The following FKBP1A variants were observed in gnomAD, a reference collection of about 807,000 sequenced individuals.
FKBP1A encodes FKBP prolyl isomerase 1A.
A neutral mutation model predicts 14.2 loss-of-function variants in FKBP1A; 5 were observed. The observed-to-expected ratio is 0.35, with a 90% CI of 0.18 to 0.74. The LOEUF is 0.74. FKBP1A is among the 30% of genes least tolerant of loss of function. The probability of loss-of-function intolerance (pLI) is 0.56; values close to 1 mark genes in which losing one functional copy is unlikely to be tolerated. For synonymous variants in FKBP1A, 42 were observed against 49.1 expected (o/e 0.86, Z 0.60); for missense variants, 53 against 138.8 (o/e 0.38, Z 3.10).
At chr20:1,382,316 C>T (rs1443187160) in intron 2 of FKBP1A, among the ~76,000 whole-genome samples, 1 of 152,182 alleles carries the variant, frequency 6.6e-6, no homozygotes, top group Non-Finnish European at 1.5e-5. Context: ...ACAGTGCAGA[C>T]AAGACAGCTG....
chr20:1,371,107 A>AT, intron 4 of FKBP1A: 2 of 985,440 alleles, frequency 2.0e-6, no homozygotes, highest in Non-Finnish European at 2.4e-6. Flanking sequence ...CTTTCAAACA[A>AT]AAGTGTCCTC....
At chr20:1,389,186 G>A (rs1213932531) in intron 2 of FKBP1A, among the ~76,000 whole-genome samples, 1 of 152,128 alleles carries the variant, frequency 6.6e-6, no homozygotes, top group African/African-American at 2.4e-5. Flanking sequence ...CTCATCATAA[G>A]CAAAGCCCCA....
At chr20:1,390,994 C>T (rs2089728863) in intron 2 of FKBP1A, among the ~76,000 whole-genome samples, 1 of 152,184 alleles carries the variant, frequency 6.6e-6, no homozygotes, top group Non-Finnish European at 1.5e-5. Context: ...GGTCTCATGA[C>T]CATCTGTTCT....
At position 1,370,407 on chromosome 20, in the gene FKBP1A, C is replaced by A. The variant is rs964474155; in HGVS notation, c.*37-335G>T. ...CAAACTGTGCTACATATAGGCATCACCTGGGGGCTTTAAAAAACTCTTAAT... is the reference window on the plus strand; with the variant it reads ...CAAACTGTGCTACATATAGGCATCAACTGGGGGCTTTAAAAAACTCTTAAT... On this transcript the variant is annotated intron_variant, in intron 4 of 4. Coordinates refer to ENST00000400137, the MANE Select transcript of FKBP1A (RefSeq NM_000801.5). 1.6e-5 allele frequency: 16 copies of A among 982,644 alleles called. No homozygotes were observed. The Admixed American group carries it at 8.6e-4, about 53-fold the overall frequency. The allele number at this position is 982,644 out of a possible 1,614,324, so 60.9% of individuals were successfully genotyped here.
At chr20:1,371,635 C>A (rs888916003) in intron 4 of FKBP1A, 2 of 835,080 alleles carry the variant, frequency 2.4e-6, no homozygotes, top group African/African-American at 3.7e-5. Context: ...GAGAGAGCCG[C>A]AGAAGCTAGG....
At chr20:1,377,212 G>C (rs1219798606) in intron 2 of FKBP1A, 1 of 152,244 alleles carries the variant, frequency 6.6e-6, no homozygotes, top group Admixed American at 6.5e-5. Context: ...ACATTTGTAA[G>C]TAGGATGGGG....
At chr20:1,390,756 G>C (rs1016271323) in intron 2 of FKBP1A, among the ~76,000 whole-genome samples, 5 of 152,160 alleles carry the variant, frequency 3.3e-5, no homozygotes, top group Admixed American at 3.3e-4. Flanking sequence ...AAGACCCACG[G>C]GAACAAAGCC....
intron 2 of FKBP1A, among the ~76,000 whole-genome samples, chr20:1,383,429 A>AT (rs1401187959): frequency 5.3e-5 from 8 of 152,142 alleles, no homozygotes; most frequent in Non-Finnish European, 4.4e-5. Flanking sequence ...AACCTTCAAA[A>AT]TAAAATAAAG....
chr20:1,387,160 C>T (rs1402071476), intron 2 of FKBP1A, among the ~76,000 whole-genome samples: 1 of 151,902 alleles, frequency 6.6e-6, no homozygotes. Flanking sequence ...CTAGTTAAAA[C>T]ATCTATGAGT....
At chr20:1,381,050 T>C (rs570224964) in intron 2 of FKBP1A, among the ~76,000 whole-genome samples, 1 of 152,226 alleles carries the variant, frequency 6.6e-6, no homozygotes, top group South Asian at 2.1e-4. Context: ...TGACCTCGAG[T>C]TGGGTGAAGA....
chr20:1,383,644 C>T (rs1004080219), intron 2 of FKBP1A, among the ~76,000 whole-genome samples: 1 of 140,772 alleles, frequency 7.1e-6, no homozygotes, highest in African/African-American at 2.7e-5. Flanking sequence ...CTGGGCAACA[C>T]AGCAAGACTC....
At chr20:1,392,921 G>T in intron 1 of FKBP1A, 40 bp from the exon 2 acceptor site, 1 of 1,529,656 alleles carries the variant, frequency 6.5e-7, no homozygotes, top group South Asian at 1.2e-5. Flanking sequence ...CGATGCGCGC[G>T]GCGGCAGAGG....
chr20:1,373,124 CCTTG>C (rs1377275628), intron 3 of FKBP1A: 1 of 152,334 alleles, frequency 6.6e-6, no homozygotes, highest in African/African-American at 2.4e-5. Context: ...AGCGTCTAGT[CCTTG>C]CTCCCCTCAG....
intron 2 of FKBP1A, among the ~76,000 whole-genome samples, chr20:1,388,287 A>G (rs1287514389): frequency 1.3e-5 from 2 of 152,246 alleles, no homozygotes; most frequent in Admixed American, 1.3e-4. Flanking sequence ...GATGTGGAGT[A>G]TTCTATAACT....
chr20:1,369,768 T>G lies in FKBP1A; in HGVS notation c.*341A>C. On this transcript the variant is annotated 3_prime_UTR_variant, in exon 5 of 5. Coordinates refer to ENST00000400137, the MANE Select transcript of FKBP1A (RefSeq NM_000801.5). ...CCTATTCTAATGTTAACCTACCACT[T>G]GTGCTGTTAATACTTGACCATGTAC... 6.9e-6 allele frequency: 2 copies of G among 290,766 alleles called. No individual in the cohort carries two copies. The highest frequency in any genetic ancestry group is 1.3e-5 in the Non-Finnish European group (2 of 148,806). 18.0% of individuals were successfully genotyped at this position (290,766 alleles called of 1,614,324 possible).
chr20:1,381,778 G>T (rs899488801), intron 2 of FKBP1A, among the ~76,000 whole-genome samples: 10 of 152,156 alleles, frequency 6.6e-5, no homozygotes, highest in African/African-American at 2.2e-4. Context: ...CAATACAGAT[G>T]AATCTCAAAA....
At chr20:1,373,607 C>T (rs1344221028) in intron 3 of FKBP1A, among the ~76,000 whole-genome samples, 2 of 152,134 alleles carry the variant, frequency 1.3e-5, no homozygotes, top group Admixed American at 6.5e-5. Flanking sequence ...CTGTGACTGA[C>T]CCCAAAATAC....
chr20:1,371,003 A>T, intron 4 of FKBP1A: 1 of 985,414 alleles, frequency 1.0e-6, no homozygotes, highest in Non-Finnish European at 1.2e-6. Context: ...CAGAGAGTTT[A>T]AAAAGCCCCT....
intron 2 of FKBP1A, 64 bp downstream of exon 2, chr20:1,392,770 G>C (rs531802848): frequency 1.5e-6 from 2 of 1,317,078 alleles, no homozygotes; most frequent in South Asian, 1.6e-5. Context: ...AGGCCTCGAC[G>C]GCCAGCCGCA....
Sources: allele counts gnomAD v4.1 joint callset (sites outside exome capture counted in the v4.1 genomes callset), GRCh38; gene constraint gnomAD v4.1.1; transcripts MANE v1.5; gene names NCBI Gene and HGNC (gene_info 2026-07-23, HGNC 2026-07-21).